LRRN1: variants seen among roughly 807,000 people sequenced by gnomAD.
The protein encoded by LRRN1 is leucine-rich repeat neuronal protein 1.
Under a neutral mutation model 45.8 loss-of-function variants are expected in LRRN1, and 14 were observed. That is an observed-to-expected ratio of 0.31 (90% CI 0.20 to 0.48). The LOEUF (loss-of-function observed/expected upper bound fraction) is 0.48, where lower values mean the gene tolerates loss of function less well. Ranked by LOEUF, LRRN1 falls within the 20% of genes least tolerant of loss-of-function variation. LRRN1 has a pLI of 0.99. For synonymous variants in LRRN1, 359 were observed against 330.1 expected, an observed-to-expected ratio of 1.09 and a Z score of -0.95; for missense variants, 789 against 874.2, an observed-to-expected ratio of 0.90 and a Z score of 1.23.
At chr3:3,838,763 C>A (rs1277132869) in intron 1 of LRRN1, among the ~76,000 whole-genome samples, 2 of 151,994 alleles carry the variant, frequency 1.3e-5, no homozygotes, top group Non-Finnish European at 2.9e-5. Flanking sequence ...ATTTGCATTT[C>A]TCTTATGATT....
In LRRN1 at chr3:3,827,627, G is replaced by A. The variant is rs371156828; in HGVS notation, c.-278-16737G>A. 131 of 395,064 alleles carry A rather than the reference G, an allele frequency of 3.3e-4. 1 individual carries two copies. Among genetic ancestry groups the A allele is most frequent in the African/African-American group, 2.4e-3 (114 of 48,006 alleles). 24.5% of individuals were successfully genotyped at this position (395,064 alleles called of 1,614,324 possible). ...TGCATTTGCCATGGATCTATTTGGA[G>A]CCTGAGAAAAAGCTAAAAGAATGAT... On this transcript the variant is annotated intron_variant, in intron 1 of 1. Transcript: ENST00000319331.
intron 1 of LRRN1, among the ~76,000 whole-genome samples, chr3:3,813,025 A>G (rs1692912006): frequency 6.6e-6 from 1 of 152,202 alleles, no homozygotes; most frequent in Non-Finnish European, 1.5e-5. Context: ...CTGAGATCAC[A>G]TCACCTGTGT....
intron 1 of LRRN1, among the ~76,000 whole-genome samples, chr3:3,818,919 C>CT (rs1022953970): frequency 2.0e-5 from 3 of 151,836 alleles, no homozygotes; most frequent in East Asian, 1.9e-4. Flanking sequence ...AGTCAGGACT[C>CT]TAAGTATTTG....
At chr3:3,831,482 T>C (rs1218861397) in intron 1 of LRRN1, among the ~76,000 whole-genome samples, 2 of 152,210 alleles carry the variant, frequency 1.3e-5, no homozygotes, top group African/African-American at 4.8e-5. Context: ...ACCATTGTGA[T>C]ATTTTGCGGA....
intron 1 of LRRN1, among the ~76,000 whole-genome samples, chr3:3,828,122 A>G (rs1390605710): frequency 9.7e-6 from 1 of 103,330 alleles, no homozygotes; most frequent in African/African-American, 3.6e-5. Context: ...GTTCTCTTAG[A>G]GGGACAGAAT....
At chr3:3,830,169 T>C (rs539073404) in intron 1 of LRRN1, among the ~76,000 whole-genome samples, 6 of 152,228 alleles carry the variant, frequency 3.9e-5, no homozygotes, top group African/African-American at 1.4e-4. Context: ...ATCCAGTTGA[T>C]TATTAAAAGC....
rs186495597 is a variant in LRRN1, at chr3:3,817,773, A to G, written c.-279+17854A>G. Among the ~76,000 whole-genome samples the G allele has an allele frequency of 4.2e-3, 636 of 152,302 alleles. 5 individuals carry two copies. Among genetic ancestry groups the G allele is most frequent in the Admixed American group, 7.5e-3 (115 of 15,298 alleles). ...TACTACTGGTTTAAAAAATATAACA[A>G]AAGACAGCGCAGAGCTCTAGATGAG... is the stretch of plus-strand genomic sequence containing the variant. On this transcript the variant is annotated intron_variant, in intron 1 of 1. Transcript: ENST00000319331.
At chr3:3,821,708 T>C (rs150062871) in intron 1 of LRRN1, among the ~76,000 whole-genome samples, 1 of 152,184 alleles carries the variant, frequency 6.6e-6, no homozygotes, top group Non-Finnish European at 1.5e-5. Flanking sequence ...TCACAAACAG[T>C]AGGATGGATT....
chr3:3,801,523 GT>G (rs2106447811), intron 1 of LRRN1, among the ~76,000 whole-genome samples: 1 of 152,302 alleles, frequency 6.6e-6, no homozygotes, highest in Non-Finnish European at 1.5e-5. Flanking sequence ...GGCCATATGT[GT>G]CCCGAAGTCT....
intron 1 of LRRN1, among the ~76,000 whole-genome samples, chr3:3,800,340 G>A (rs894311614): frequency 9.9e-5 from 15 of 152,158 alleles, no homozygotes; most frequent in African/African-American, 3.6e-4. Context: ...AGAGCAGCGC[G>A]GAAAGGGGGC....
chr3:3,846,583 A>T lies in LRRN1; in HGVS notation c.1942A>T (p.Ile648Phe). ...GTTTGCCGTCATTAGCCTTGCGTCC[A>T]TTGCTGTGTACTTTGCCAAAAGATT... is the stretch of plus-strand genomic sequence containing the variant. ...SMFAVISLAS[I>F]AVYFAKRFKR... Residue 648 changes from isoleucine to phenylalanine, a missense_variant, in exon 2 of 2, where the codon ATT (isoleucine) becomes TTT (phenylalanine). Physicochemically the swap from Ile to Phe is conservative, Grantham distance 21. Transcript: ENST00000319331. The surrounding 1 kb of genome is among the most constrained non-coding windows in gnomAD (Gnocchi z 5.7). 1 of 1,614,092 alleles carries T rather than the reference A, an allele frequency of 6.2e-7. No individual in the cohort carries two copies. Among genetic ancestry groups the T allele is most frequent in the South Asian group, 1.1e-5 (1 of 91,078 alleles).
In LRRN1 at chr3:3,834,527, T is replaced by C. The variant is rs6797013; in HGVS notation, c.-278-9837T>C. ...GTTCTCTTAGAGGGACAGAACAGGA[T>C]ATATATATATATATATATATATATA... On this transcript the variant is annotated intron_variant, in intron 1 of 1. Coordinates refer to ENST00000319331, the MANE Select transcript of LRRN1 (RefSeq NM_020873.7). Among the ~76,000 whole-genome samples the C allele has an allele frequency of 4.9e-3, 323 of 66,456 alleles. 10 individuals are homozygous for C. Among genetic ancestry groups the C allele is most frequent in the East Asian group, 0.019 (21 of 1,082 alleles). 43.6% of individuals were successfully genotyped at this position (66,456 alleles called of 152,430 possible).
chr3:3,826,481 T>C (rs181686112), intron 1 of LRRN1, among the ~76,000 whole-genome samples: 6 of 152,290 alleles, frequency 3.9e-5, no homozygotes, highest in East Asian at 1.9e-4. Flanking sequence ...GCCTGGCCTA[T>C]TGAGATGTGT....
Position 3,847,011 on chromosome 3 carries a change from TA to T in LRRN1, c.*220del, listed in dbSNP as rs1222751861. 4.9e-6 allele frequency: 2 copies of T among 412,280 alleles called. No homozygotes were observed. Among genetic ancestry groups the T allele is most frequent in the African/African-American group, 4.1e-5 (2 of 48,526 alleles). The allele number at this position is 412,280 out of a possible 1,614,324, so 25.5% of individuals were successfully genotyped here. A position where few individuals can be genotyped will look rare whatever the true frequency, so the allele number is the denominator to read the frequency against. ...AGGCTTCCAGTCTGTGTTTGGTTTTTATTCTTATCATTATTATGATTGTTAT... is the reference window on the plus strand; with the variant it reads ...AGGCTTCCAGTCTGTGTTTGGTTTTTTTCTTATCATTATTATGATTGTTAT... On this transcript the variant is annotated 3_prime_UTR_variant, in exon 2 of 2. Transcript: ENST00000319331.
rs1342052063 is a variant in LRRN1, at chr3:3,848,706, A to G, written c.*1914A>G. ...CCCAAAGCCTTCACTTATTGGTGAG[A>G]AAAACCTGGGCCCAGGGAGGGCTTG... On this transcript the variant is annotated 3_prime_UTR_variant, in exon 2 of 2. Transcript: ENST00000319331. Among the ~76,000 whole-genome samples the G allele has an allele frequency of 6.6e-6, 1 of 152,144 alleles. No individual in the cohort carries two copies. The highest frequency in any genetic ancestry group is 1.5e-5 in the Non-Finnish European group (1 of 68,014).
intron 1 of LRRN1, among the ~76,000 whole-genome samples, chr3:3,810,191 C>T (rs1692846020): frequency 1.3e-5 from 2 of 151,918 alleles, no homozygotes; most frequent in Non-Finnish European, 2.9e-5. Flanking sequence ...ATTATAATGC[C>T]CCTAAATGGT....
intron 1 of LRRN1, among the ~76,000 whole-genome samples, chr3:3,800,168 G>A (rs1359915485): frequency 2.0e-5 from 3 of 150,756 alleles, no homozygotes; most frequent in Admixed American, 2.0e-4. Flanking sequence ...GTGTGGGAGA[G>A]CGATAGTTGG....
intron 1 of LRRN1, among the ~76,000 whole-genome samples, chr3:3,830,260 C>G (rs931136899): frequency 3.3e-5 from 5 of 152,242 alleles, no homozygotes; most frequent in East Asian, 3.8e-4. Context: ...TCAGGTCAAT[C>G]CACATACCTC....
intron 1 of LRRN1, among the ~76,000 whole-genome samples, chr3:3,822,076 C>G (rs1452797639): frequency 6.6e-6 from 1 of 152,178 alleles, no homozygotes; most frequent in Non-Finnish European, 1.5e-5. Flanking sequence ...TCACATAGAA[C>G]CTCAACCACT....
Sources: gnomAD v4.1 joint callset for allele counts (sites outside exome capture counted in the v4.1 genomes callset) on GRCh38, gnomAD v4.1.1 for gene constraint, Gnocchi (gnomAD v3.1) non-coding constraint, MANE v1.5 for transcripts, NCBI Gene and HGNC (gene_info 2026-07-23, HGNC 2026-07-21) for gene names.